IL12RB1: variants seen among roughly 807,000 people sequenced by gnomAD.
IL12RB1 encodes the protein interleukin 12 receptor subunit beta 1, also known as interleukin-12 receptor subunit beta-1.
IL12RB1 carries 64 observed loss-of-function variants against 94.4 expected under a neutral mutation model. The observed-to-expected ratio is 0.68, with a 90% CI of 0.55 to 0.83. IL12RB1 has a LOEUF of 0.83. IL12RB1 is among the 40% of genes least tolerant of loss of function. The pLI is 0.00. For missense variants in IL12RB1, 814 were observed against 855.6 expected, an observed-to-expected ratio of 0.95 and a Z score of 0.61; for synonymous variants, 362 against 355.5, an observed-to-expected ratio of 1.02 and a Z score of -0.21.
chr19:18,097,813 G>C, intron 1 of IL12RB1: 1 of 1,226,618 alleles, frequency 8.2e-7, no homozygotes, highest in Non-Finnish European at 1.0e-6. Context: ...CGAGCCTCCT[G>C]CGGCGCCGCG....
chr19:18,077,465 AG>A, intron 5 of IL12RB1, 50 bp downstream of exon 5: 3 of 1,438,762 alleles, frequency 2.1e-6, no homozygotes, highest in Non-Finnish European at 2.9e-6. Context: ...TTGGGGGTGA[AG>A]GTGCCCTGGA....
chr19:18,079,105 T>A (rs992186786), intron 4 of IL12RB1, among the ~76,000 whole-genome samples: 18 of 77,442 alleles, frequency 2.3e-4, no homozygotes, highest in African/African-American at 3.3e-4. Context: ...ACACTTAAAA[T>A]TTTTTTTTTT....
chr19:18,086,216 C>T (rs2036324120), intron 1 of IL12RB1, among the ~76,000 whole-genome samples: 1 of 143,934 alleles, frequency 6.9e-6, no homozygotes, highest in Admixed American at 7.3e-5. Context: ...GAGTGAGACC[C>T]TACCTCAGTA....
intron 13 of IL12RB1, among the ~76,000 whole-genome samples, chr19:18,063,171 C>T (rs1049203373): frequency 1.3e-4 from 18 of 133,410 alleles, no homozygotes; most frequent in Admixed American, 1.3e-3. Context: ...TCACGGCTCA[C>T]TGCAACCTTG....
chr19:18,090,156 T>C (rs1333414268), upstream of IL12RB1, among the ~76,000 whole-genome samples: 1 of 150,784 alleles, frequency 6.6e-6, no homozygotes, highest in Non-Finnish European at 1.5e-5. Flanking sequence ...AGGCTAGGAG[T>C]TCAAGAGCAG....
At chr19:18,085,902 C>T (rs570713293) in intron 1 of IL12RB1, among the ~76,000 whole-genome samples, 16 of 151,656 alleles carry the variant, frequency 1.1e-4, no homozygotes, top group African/African-American at 3.6e-4. Flanking sequence ...AGTCACCGTG[C>T]AGGGCCTGAG....
intron 7 of IL12RB1, among the ~76,000 whole-genome samples, chr19:18,074,226 T>C (rs566011470): frequency 3.0e-4 from 46 of 152,100 alleles, no homozygotes; most frequent in African/African-American, 9.9e-4. Context: ...TTCCCAGGCT[T>C]GTCTCAAACT....
intron 7 of IL12RB1, among the ~76,000 whole-genome samples, chr19:18,074,517 G>A (rs2035301302): frequency 6.6e-6 from 1 of 152,152 alleles, no homozygotes; most frequent in African/African-American, 2.4e-5. Context: ...GGAGACCGTG[G>A]TGGGAGGATC....
At chr19:18,089,746 T>A (rs547186311), upstream of IL12RB1, among the ~76,000 whole-genome samples, 1 of 152,258 alleles carries the variant, frequency 6.6e-6, no homozygotes, top group Admixed American at 6.5e-5. Flanking sequence ...GGGATGAGCA[T>A]CTGTGGAAAC....
At chr19:18,073,322 G>C (rs1176434842) in intron 8 of IL12RB1, among the ~76,000 whole-genome samples, 195 bp downstream of exon 8, 2 of 152,044 alleles carry the variant, frequency 1.3e-5, no homozygotes, top group Admixed American at 6.6e-5. Flanking sequence ...TCTGAGTCCA[G>C]TCATGTGCCT....
chr19:18,077,395 C>T, intron 5 of IL12RB1, 121 bp downstream of exon 5: 2 of 784,234 alleles, frequency 2.6e-6, no homozygotes, highest in South Asian at 1.5e-5. Flanking sequence ...AAAACCACCT[C>T]AGGGGCTAGA....
At chr19:18,065,372 T>A (rs765419993) in intron 12 of IL12RB1, among the ~76,000 whole-genome samples, 1 of 152,132 alleles carries the variant, frequency 6.6e-6, no homozygotes, top group Non-Finnish European at 1.5e-5. Context: ...ATGAATCCAA[T>A]ACACCATAAG....
rs773966422 is a variant in IL12RB1 at position 18,066,672 on chromosome 19, G to A, written c.1353C>T (p.His451=). ...CCAAGCTATGATTCTTCACCGAGAC[G>A]TGGTGCGGTGTCCCAGCTGCTGAGG... The part of the protein sequence containing the change: ...GNASAAGTPH[H]VSVKNHSLDS... Residue 451 remains histidine (H), a synonymous_variant, in exon 12 of 17, where the codon CAC becomes CAT. Transcript: ENST00000593993. 5.6e-6 allele frequency: 9 copies of A among 1,606,910 alleles called. No homozygotes were observed. Among genetic ancestry groups the A allele is most frequent in the South Asian group, 3.3e-5 (3 of 90,954 alleles).
chr19:18,072,946 C>CAAA (rs11336251), intron 8 of IL12RB1, among the ~76,000 whole-genome samples: 2 of 75,182 alleles, frequency 2.7e-5, no homozygotes, highest in African/African-American at 5.5e-5. Context: ...GACTCCATCT[C>CAAA]AAAAAAAAAA....
chr19:18,097,087 G>A (rs117331870), intron 1 of IL12RB1, among the ~76,000 whole-genome samples: 2,554 of 152,106 alleles, frequency 0.017, 72 homozygotes, highest in Admixed American at 0.074. Flanking sequence ...AGTTTTGTGG[G>A]GCCACCTTAA....
intron 13 of IL12RB1, 53 bp downstream of exon 13, chr19:18,063,823 G>A (rs2034351811): frequency 1.9e-6 from 3 of 1,539,872 alleles, no homozygotes; most frequent in Non-Finnish European, 2.7e-6. Flanking sequence ...ATTGTGGGAA[G>A]CGCAGTGCAG....
In IL12RB1 at chr19:18,072,152, G is replaced by A. The variant is rs755170698; in HGVS notation, c.981C>T (p.Gly327=). The change falls in exon 9 of 17, where the codon GGC becomes GGT. Residue 327 remains glycine, a synonymous_variant. Coordinates refer to ENST00000593993, the MANE Select transcript of IL12RB1 (RefSeq NM_005535.3). The part of the protein sequence containing the change: ...AVISSNQFGP[G]LNQTWHIPAD... ...CAGGAATGTGCCACGTCTGGTTCAG[G>A]CCAGGACCAAATTGGTTCGAGGAGA... 6.2e-7 allele frequency: 1 copy of A among 1,614,008 alleles called. No individual in the cohort carries two copies. Among genetic ancestry groups the A allele is most frequent in the Admixed American group, 1.7e-5 (1 of 59,990 alleles).
chr19:18,089,710 G>C (rs183523144), upstream of IL12RB1, among the ~76,000 whole-genome samples: 47 of 152,234 alleles, frequency 3.1e-4, no homozygotes, highest in African/African-American at 1.1e-3. Flanking sequence ...GGGCACTGAG[G>C]AGGGAGAAGG....
In IL12RB1 at chr19:18,077,531, G is replaced by A. The variant is rs757331863; in HGVS notation, c.534C>T (p.Ser178=). ...ACAAACTCACCAACTTCCATGGGCT[G>A]CTGGGTGTCCGGTGCCGGAACTGCA... The part of the protein sequence containing the change: ...AEVQFRHRTP[S]SPWKLGDCGP... The change falls in exon 5 of 17, where the codon AGC becomes AGT. Residue 178 remains serine (S), a synonymous_variant. Coordinates refer to ENST00000593993, the MANE Select transcript of IL12RB1 (RefSeq NM_005535.3). The A allele has an allele frequency of 3.7e-6, 6 of 1,611,218 alleles. No homozygotes were observed. The highest frequency in any genetic ancestry group is 1.7e-4 in the Middle Eastern group (1 of 5,954).
Sources: allele counts gnomAD v4.1 joint callset (sites outside exome capture counted in the v4.1 genomes callset), GRCh38; gene constraint gnomAD v4.1.1; transcripts MANE v1.5; gene names NCBI Gene and HGNC (gene_info 2026-07-23, HGNC 2026-07-21).